The following SHROOM3 variants were observed in gnomAD, a reference collection of about 807,000 sequenced individuals.
The protein encoded by SHROOM3 is protein Shroom3.
SHROOM3 carries 47 observed loss-of-function variants against 138.6 expected under a neutral mutation model. The ratio of observed to expected loss-of-function variants is 0.34; its 90% CI spans 0.27 to 0.43. The LOEUF is 0.43. Among genes scored for constraint, SHROOM3 ranks in the 20% least tolerant of loss-of-function variants. The probability of loss-of-function intolerance (pLI) is 1.00; values close to 1 mark genes in which losing one functional copy is unlikely to be tolerated. For synonymous variants in SHROOM3, 1,062 were observed against 1,063.3 expected (o/e 1.00, Z 0.02); for missense variants, 2,491 against 2,596.5 (o/e 0.96, Z 0.88).
intron 1 of SHROOM3, among the ~76,000 whole-genome samples, chr4:76,500,803 CCT>C (rs1447830702): frequency 6.6e-6 from 1 of 150,550 alleles, no homozygotes. Flanking sequence ...CTTTCTTCTC[CCT>C]CTCTCTCTTT....
intron 2 of SHROOM3, among the ~76,000 whole-genome samples, chr4:76,659,462 T>A (rs1736138093): frequency 6.6e-6 from 1 of 152,244 alleles, no homozygotes; most frequent in Admixed American, 6.5e-5. Context: ...GAGCCATATG[T>A]TAGACAAACT....
rs745515958 is a variant in SHROOM3 at position 76,740,658 on chromosome 4, A to G, written c.2485A>G (p.Lys829Glu). 29 of 1,614,058 alleles carry G rather than the reference A, an allele frequency of 1.8e-5. No individual in the cohort carries two copies. The Admixed American group carries it at 4.0e-4, about 22-fold the overall frequency. The change falls in exon 5 of 11, where the codon AAA (lysine) becomes GAA (glutamate). Residue 829 changes from lysine to glutamate, a missense_variant. Transcript: ENST00000296043. This position sits in a 1 kb window ranked among gnomAD's most constrained non-coding sequence, Gnocchi z 4.0. ...TTCTGGGAATGACTTCGAGGAGACA[A>G]AAGCACACATTCGTTTCTCTGAGTC... The part of the protein sequence containing the change: ...STSGNDFEET[K>E]AHIRFSESAE...
intron 2 of SHROOM3, among the ~76,000 whole-genome samples, chr4:76,565,227 T>G (rs935564512): frequency 6.6e-6 from 1 of 151,524 alleles, no homozygotes; most frequent in South Asian, 2.1e-4. Context: ...ATATGAGGTC[T>G]GAGTTCTGAG....
chr4:76,614,517 G>A (rs1441405787), intron 2 of SHROOM3, among the ~76,000 whole-genome samples: 5 of 152,050 alleles, frequency 3.3e-5, no homozygotes, highest in Non-Finnish European at 7.4e-5. Flanking sequence ...TACATGTGCA[G>A]AATGTGCAGG....
chr4:76,591,060 A>G (rs1734263584), intron 2 of SHROOM3, among the ~76,000 whole-genome samples: 2 of 152,154 alleles, frequency 1.3e-5, no homozygotes, highest in African/African-American at 4.8e-5. Context: ...ATATTTTTTC[A>G]TTGATGAGAC....
chr4:76,471,336 C>T (rs144051417), intron 1 of SHROOM3, among the ~76,000 whole-genome samples: 13 of 151,800 alleles, frequency 8.6e-5, no homozygotes, highest in East Asian at 1.9e-4. Context: ...CTTTGCCTCC[C>T]GACTTCAAGT....
At chr4:76,700,663 G>A (rs141566360) in intron 2 of SHROOM3, among the ~76,000 whole-genome samples, 6 of 152,332 alleles carry the variant, frequency 3.9e-5, no homozygotes, top group African/African-American at 1.2e-4. Context: ...TGTGTGGCCT[G>A]TGGTTAGCCC....
intron 3 of SHROOM3, among the ~76,000 whole-genome samples, chr4:76,722,861 G>A (rs904364367): frequency 4.0e-5 from 6 of 151,788 alleles, no homozygotes; most frequent in Non-Finnish European, 7.4e-5. Flanking sequence ...TCATAGTATT[G>A]CGCACTAAAC....
intron 1 of SHROOM3, among the ~76,000 whole-genome samples, chr4:76,483,086 A>G (rs1463182312): frequency 6.6e-6 from 1 of 152,228 alleles, no homozygotes; most frequent in Non-Finnish European, 1.5e-5. Flanking sequence ...GGACATAGGC[A>G]TGGGCAAGGA....
chr4:76,547,932 A>AACAC (rs57089323), intron 1 of SHROOM3, among the ~76,000 whole-genome samples: 1,745 of 146,166 alleles, frequency 0.012, 23 homozygotes, highest in African/African-American at 0.028. Context: ...CCTGTCTCAA[A>AACAC]ACACACACAC....
At chr4:76,720,597 T>G (rs1331340601) in intron 3 of SHROOM3, among the ~76,000 whole-genome samples, 1 of 151,584 alleles carries the variant, frequency 6.6e-6, no homozygotes, top group Non-Finnish European at 1.5e-5. Flanking sequence ...AGATATAATC[T>G]CTCCCTGAAT....
chr4:76,654,880 A>G (rs1577954630), intron 2 of SHROOM3, among the ~76,000 whole-genome samples: 1 of 152,290 alleles, frequency 6.6e-6, no homozygotes, highest in African/African-American at 2.4e-5. Context: ...TCAAAGGAGA[A>G]AGTTGCTTAG....
intron 2 of SHROOM3, among the ~76,000 whole-genome samples, chr4:76,572,037 C>T (rs1016967117): frequency 1.3e-5 from 2 of 152,176 alleles, no homozygotes; most frequent in Non-Finnish European, 2.9e-5. Flanking sequence ...AGCCCAATCT[C>T]CCTAAAATCT....
intron 4 of SHROOM3, among the ~76,000 whole-genome samples, chr4:76,731,792 A>C (rs753371353): frequency 1.4e-4 from 13 of 91,798 alleles, no homozygotes; most frequent in Non-Finnish European, 3.0e-4. Context: ...AAAAAAAAAC[A>C]AACAAACAAA....
chr4:76,520,035 G>A (rs1221366261), intron 1 of SHROOM3, among the ~76,000 whole-genome samples: 1 of 152,096 alleles, frequency 6.6e-6, no homozygotes, highest in Non-Finnish European at 1.5e-5. Context: ...CCATTGTCCA[G>A]CTAATCCTTA....
intron 2 of SHROOM3, among the ~76,000 whole-genome samples, chr4:76,669,305 A>G (rs546108084): frequency 1.3e-5 from 2 of 151,948 alleles, no homozygotes; most frequent in African/African-American, 4.8e-5. Context: ...GTAGGGATAA[A>G]TTACTCTAAA....
chr4:76,774,709 GTTTTTTTT>G (rs201566335), intron 10 of SHROOM3, among the ~76,000 whole-genome samples: 3 of 139,096 alleles, frequency 2.2e-5, no homozygotes, highest in Admixed American at 7.1e-5. Context: ...GTTTTTTGGG[GTTTTTTTT>G]TTGTTTTTTT....
At chr4:76,533,738 G>A (rs1328260126) in intron 1 of SHROOM3, among the ~76,000 whole-genome samples, 1 of 152,214 alleles carries the variant, frequency 6.6e-6, no homozygotes, top group African/African-American at 2.4e-5. Flanking sequence ...CTGTTTGGAT[G>A]TAAAAAATAA....
intron 2 of SHROOM3, among the ~76,000 whole-genome samples, chr4:76,685,059 TAA>T (rs1315783812): frequency 6.6e-6 from 1 of 152,252 alleles, no homozygotes; most frequent in Non-Finnish European, 1.5e-5. Flanking sequence ...TTGTTCACAG[TAA>T]ACCCCAACAC....
Sources: allele counts gnomAD v4.1 joint callset (sites outside exome capture counted in the v4.1 genomes callset), GRCh38; gene constraint gnomAD v4.1.1; non-coding constraint Gnocchi (gnomAD v3.1); transcripts MANE v1.5; gene names NCBI Gene and HGNC (gene_info 2026-07-23, HGNC 2026-07-21).